ST7L: variants seen among roughly 807,000 people sequenced by gnomAD.
ST7L encodes the protein suppression of tumorigenicity 7 like.
Under a neutral mutation model 72.5 loss-of-function variants are expected in ST7L, and 57 were observed. That is an observed-to-expected ratio of 0.79 (90% CI 0.64 to 0.98). The LOEUF (loss-of-function observed/expected upper bound fraction) is 0.98. Among genes scored for constraint, ST7L ranks in the 50% least tolerant of loss-of-function variants. The probability of loss-of-function intolerance (pLI) is 0.00; values close to 1 mark genes in which losing one functional copy is unlikely to be tolerated. For missense variants in ST7L, 576 were observed against 672.2 expected, an observed-to-expected ratio of 0.86 and a Z score of 1.58; for synonymous variants, 221 against 240.9, an observed-to-expected ratio of 0.92 and a Z score of 0.77.
intron 11 of ST7L, among the ~76,000 whole-genome samples, chr1:112,574,516 A>G (rs545787060): frequency 3.2e-4 from 48 of 151,438 alleles, no homozygotes; most frequent in African/African-American, 7.0e-4. Flanking sequence ...AAAATTAGCC[A>G]GGCGTGGTGG....
At chr1:112,546,725 T>C (rs1657143083) in intron 13 of ST7L, among the ~76,000 whole-genome samples, 1 of 152,192 alleles carries the variant, frequency 6.6e-6, no homozygotes, top group African/African-American at 2.4e-5. Flanking sequence ...CCCAGTGTTC[T>C]TCCAACAAAT....
chr1:112,577,364 A>C lies in ST7L; in HGVS notation c.1143-276T>G, dbSNP rs187618394. 5.6e-3 allele frequency among the ~76,000 whole-genome samples: 850 copies of C among 151,798 alleles called. 5 individuals carry two copies. Among genetic ancestry groups the C allele is most frequent in the African/African-American group, 0.018 (764 of 41,410 alleles). ...ACCAACATGGAGAAACCCCGTCTCTACTACAAATACAAAATTAGCTGGGTG... is the reference window on the plus strand; with the variant it reads ...ACCAACATGGAGAAACCCCGTCTCTCCTACAAATACAAAATTAGCTGGGTG... On this transcript the variant is annotated intron_variant, in intron 10 of 14. Coordinates refer to ENST00000358039, the MANE Select transcript of ST7L (RefSeq NM_017744.5).
chr1:112,555,157 G>T (rs950211921), intron 12 of ST7L, among the ~76,000 whole-genome samples: 1 of 152,106 alleles, frequency 6.6e-6, no homozygotes, highest in Non-Finnish European at 1.5e-5. Flanking sequence ...TTACAATAAA[G>T]AATAGGTTGA....
intron 1 of ST7L, 39 bp from the exon 2 acceptor site, chr1:112,616,934 A>G: frequency 1.4e-6 from 2 of 1,408,842 alleles, no homozygotes; most frequent in East Asian, 2.3e-5. Flanking sequence ...AAAAAATGCA[A>G]ATTTAAAGTA....
chr1:112,591,700 A>T, intron 5 of ST7L, 97 bp from the exon 6 acceptor site: 2 of 785,470 alleles, frequency 2.5e-6, no homozygotes, highest in Non-Finnish European at 3.9e-6. Context: ...GCTTTAAATA[A>T]TATATTCTTA....
At chr1:112,562,503 G>A (rs114959263) in intron 11 of ST7L, among the ~76,000 whole-genome samples, 3,083 of 152,156 alleles carry the variant, frequency 0.02, 107 homozygotes, top group African/African-American at 0.069. Flanking sequence ...AGAGAAAGCC[G>A]TTATCTCTTC....
At chr1:112,561,482 C>G (rs1471133846) in intron 11 of ST7L, among the ~76,000 whole-genome samples, 1 of 150,820 alleles carries the variant, frequency 6.6e-6, no homozygotes, top group Admixed American at 6.6e-5. Flanking sequence ...CTATACAGAT[C>G]TAACTTTTTT....
chr1:112,607,652 A>G (rs2101004672), intron 3 of ST7L: 1 of 152,254 alleles, frequency 6.6e-6, no homozygotes, highest in African/African-American at 2.4e-5. Flanking sequence ...TTAAGGGGGA[A>G]TACAATTTGG....
At chr1:112,557,668 G>A (rs1286507710) in intron 11 of ST7L, among the ~76,000 whole-genome samples, 10 of 152,156 alleles carry the variant, frequency 6.6e-5, no homozygotes, top group Admixed American at 6.6e-4. Flanking sequence ...TGATTTAGAG[G>A]CTAGAAATAA....
chr1:112,533,288 C>A (rs1349252854), intron 14 of ST7L, among the ~76,000 whole-genome samples: 1 of 151,964 alleles, frequency 6.6e-6, no homozygotes, highest in African/African-American at 2.4e-5. Flanking sequence ...TGGAATGAAT[C>A]AGTTTGAAAG....
chr1:112,549,654 T>C (rs1474007659), intron 13 of ST7L, among the ~76,000 whole-genome samples: 1 of 152,186 alleles, frequency 6.6e-6, no homozygotes, highest in African/African-American at 2.4e-5. Flanking sequence ...TACAACCCTG[T>C]TGAACTCATT....
chr1:112,605,039 A>G (rs2100977742), intron 3 of ST7L, among the ~76,000 whole-genome samples: 1 of 145,820 alleles, frequency 6.9e-6, no homozygotes, highest in East Asian at 2.0e-4. Context: ...GTGAGCAGAG[A>G]TCACGCCATT....
intron 13 of ST7L, among the ~76,000 whole-genome samples, chr1:112,547,337 C>T (rs1350262467): frequency 1.4e-4 from 21 of 151,690 alleles, no homozygotes; most frequent in African/African-American, 4.8e-4. Context: ...GGATTACAGG[C>T]GCAAGCCACC....
At chr1:112,542,204 A>G (rs1656215377) in intron 13 of ST7L, 114 bp from the exon 14 acceptor site, 4 of 1,116,320 alleles carry the variant, frequency 3.6e-6, no homozygotes, top group Non-Finnish European at 4.9e-6. Context: ...AAATTTAAAA[A>G]GGAAAGTCTC....
At chr1:112,554,376 A>G (rs1436325791) in intron 12 of ST7L, among the ~76,000 whole-genome samples, 1 of 152,186 alleles carries the variant, frequency 6.6e-6, no homozygotes, top group South Asian at 2.1e-4. Context: ...AACATCACTA[A>G]TCATCAGAGA....
downstream of ST7L, chr1:112,522,692 G>A (rs1369703297): frequency 2.0e-5 from 3 of 152,256 alleles, no homozygotes; most frequent in Non-Finnish European, 4.4e-5. Context: ...AGTTTAGGGT[G>A]GTTTTTCTTT....
downstream of ST7L, chr1:112,520,594 C>G: frequency 7.3e-7 from 1 of 1,372,864 alleles, no homozygotes; most frequent in South Asian, 1.3e-5. Context: ...TTCCTCCACC[C>G]TCCACCCTGG....
At chr1:112,554,989 G>T (rs1305230794) in intron 12 of ST7L, among the ~76,000 whole-genome samples, 3 of 152,144 alleles carry the variant, frequency 2.0e-5, no homozygotes, top group Non-Finnish European at 4.4e-5. Context: ...GGCAAGACTG[G>T]GGAGTTATTA....
intron 6 of ST7L, among the ~76,000 whole-genome samples, chr1:112,590,876 T>C (rs1381924219): frequency 6.6e-6 from 1 of 152,096 alleles, no homozygotes; most frequent in East Asian, 1.9e-4. Context: ...TAAGTGAATG[T>C]TTTAAACGAA....
Sources: gnomAD v4.1 joint callset for allele counts (sites outside exome capture counted in the v4.1 genomes callset) on GRCh38, gnomAD v4.1.1 for gene constraint, MANE v1.5 for transcripts, NCBI Gene and HGNC (gene_info 2026-07-23, HGNC 2026-07-21) for gene names.